The following SUN3 variants were observed in gnomAD, a reference collection of about 807,000 sequenced individuals.
SUN3 encodes SUN domain-containing protein 3.
In SUN3, 36 loss-of-function variants were observed where a neutral mutation model predicts 48.2. The ratio of observed to expected loss-of-function variants is 0.75; its 90% CI spans 0.57 to 0.99. The LOEUF is 0.99. Ranked by LOEUF, SUN3 falls within the 50% of genes least tolerant of loss-of-function variation. The probability of loss-of-function intolerance (pLI) is 0.00; values close to 1 mark genes in which losing one functional copy is unlikely to be tolerated. For synonymous variants in SUN3, 148 were observed against 147.9 expected (o/e 1.00, Z 0.00); for missense variants, 419 against 433.1 (o/e 0.97, Z 0.29).
rs1455417103 is a variant in SUN3 at position 47,994,448 on chromosome 7, G to A, written c.728C>T (p.Pro243Leu). The change falls in exon 8 of 10, where the codon CCA becomes CTA. Residue 243 changes from proline (P) to leucine (L), a missense_variant. Coordinates refer to ENST00000297325, the MANE Select transcript of SUN3 (RefSeq NM_001030019.2). ...DVYPGKCWAF[P>L]GSQGHTLIKL... ...GATTAGGGTATGACCCTGGGAACCT[G>A]GAAAAGCCCAGCACTTTCCAGGGTA... 2 of 1,609,002 alleles carry A rather than the reference G, an allele frequency of 1.2e-6. No homozygotes were observed. Among genetic ancestry groups the A allele is most frequent in the South Asian group, 1.1e-5 (1 of 89,966 alleles).
At chr7:47,991,611 C>G (rs2128769994) in intron 8 of SUN3, among the ~76,000 whole-genome samples, 1 of 151,966 alleles carries the variant, frequency 6.6e-6, no homozygotes, top group South Asian at 2.1e-4. Flanking sequence ...CAAAACAAAA[C>G]AAAACAAAAC....
intron 8 of SUN3, among the ~76,000 whole-genome samples, chr7:47,993,723 G>A (rs1789129173): frequency 6.6e-6 from 1 of 152,150 alleles, no homozygotes; most frequent in Non-Finnish European, 1.5e-5. Context: ...TAAGAAAAAT[G>A]TTCTAAAATT....
chr7:48,000,111 T>C (rs1789319361), intron 6 of SUN3: 1 of 152,248 alleles, frequency 6.6e-6, no homozygotes, highest in Admixed American at 6.5e-5. Context: ...TTAAAGTACT[T>C]AAAGAAAGAA....
chr7:47,994,391 A>G lies in SUN3; in HGVS notation c.785T>C (p.Val262Ala). 6.2e-7 allele frequency: 1 copy of G among 1,613,248 alleles called. No homozygotes were observed. Among genetic ancestry groups the G allele is most frequent in the Non-Finnish European group, 8.5e-7 (1 of 1,179,658 alleles). Residue 262 changes from valine (V) to alanine (A), a missense_variant, in exon 8 of 10, where the codon GTT becomes GCT. Coordinates refer to ENST00000297325, the MANE Select transcript of SUN3 (RefSeq NM_001030019.2). ...KLATKIIPTAVTMEHISEKVS... is the reference protein window; with the variant it reads ...KLATKIIPTAATMEHISEKVS... Reference sequence around the variant, plus strand: ...CTTCTCTGAGATGTGCTCCATGGTAACAGCAGTTGGTATGATCTTTGTAGC... The same window carrying G: ...CTTCTCTGAGATGTGCTCCATGGTAGCAGCAGTTGGTATGATCTTTGTAGC...
In SUN3 at chr7:47,995,419, A is replaced by G. The variant is rs576907124; in HGVS notation, c.693+612T>C. ...GTAGAGAAGAAAAATGAGGTCTACT[A>G]CTTTGTAGATATAAACTACAGCCTG... On this transcript the variant is annotated intron_variant, in intron 7 of 9. Transcript: ENST00000297325. Among the ~76,000 whole-genome samples, 9 of 152,264 alleles carry G rather than the reference A, an allele frequency of 5.9e-5. No homozygotes were observed. The East Asian group carries it at 1.5e-3, about 26-fold the overall frequency.
At position 48,005,977 on chromosome 7, in the gene SUN3, T is replaced by G. The variant is rs1439670525; in HGVS notation, c.569A>C (p.Lys190Thr). Residue 190 changes from lysine to threonine, a missense_variant, in exon 6 of 10, where the codon AAG becomes ACG. By Grantham distance (78) the Lys-to-Thr change is moderately conservative (BLOSUM62 -1). Coordinates refer to ENST00000297325, the MANE Select transcript of SUN3 (RefSeq NM_001030019.2). ...ACTTTTTCTGTACTCACCGGCCGAC[T>G]TCAGGGCATAATCAGCCATCTCGAC... is the stretch of plus-strand genomic sequence containing the variant. ...DQVEMADYAL[K>T]SAGASIIEAG... 3 of 1,612,006 alleles carry G rather than the reference T, an allele frequency of 1.9e-6. No individual in the cohort carries two copies. The highest frequency in any genetic ancestry group is 1.7e-5 in the Admixed American group (1 of 59,714).
chr7:48,007,826 T>G (rs1475392330), intron 4 of SUN3, among the ~76,000 whole-genome samples: 2 of 139,730 alleles, frequency 1.4e-5, no homozygotes, highest in African/African-American at 5.3e-5. Context: ...CCCAAGAATG[T>G]TTTTTTTTTT....
At chr7:48,000,783 T>C (rs7791084) in intron 6 of SUN3, among the ~76,000 whole-genome samples, 64,831 of 151,440 alleles carry the variant, frequency 0.43, 14,076 homozygotes, top group Middle Eastern at 0.55. Context: ...TTTTGAGCAA[T>C]TTAACTATGA....
chr7:47,991,956 C>T (rs534320939), intron 8 of SUN3, among the ~76,000 whole-genome samples: 2 of 152,296 alleles, frequency 1.3e-5, no homozygotes, highest in African/African-American at 4.8e-5. Flanking sequence ...GGCGCCGCCC[C>T]AGAACCGCCC....
chr7:48,018,720 G>A (rs544031354), intron 2 of SUN3: 1 of 152,648 alleles, frequency 6.6e-6, no homozygotes, highest in Non-Finnish European at 1.5e-5. Context: ...AGGGAAATCT[G>A]AATTCTAGAG....
intron 8 of SUN3, among the ~76,000 whole-genome samples, chr7:47,990,489 C>CCGGA (rs1482232863): frequency 6.6e-6 from 1 of 152,034 alleles, no homozygotes; most frequent in Non-Finnish European, 1.5e-5. Flanking sequence ...GAGACTGGTG[C>CCGGA]CGGCGCGGGT....
intron 2 of SUN3, among the ~76,000 whole-genome samples, chr7:48,025,507 G>A (rs1452395167): frequency 6.6e-6 from 1 of 152,176 alleles, no homozygotes; most frequent in Non-Finnish European, 1.5e-5. Context: ...TGTGTGATGA[G>A]CAAGAGTCTC....
intron 8 of SUN3, among the ~76,000 whole-genome samples, chr7:47,989,145 CATAG>C (rs1427927693): frequency 6.6e-5 from 10 of 152,154 alleles, no homozygotes; most frequent in East Asian, 1.9e-4. Flanking sequence ...TAGATAGATC[CATAG>C]ATAGATAGTT....
rs145940438 is a variant in SUN3, at chr7:48,005,641, T to C, written c.577+328A>G. Among the ~76,000 whole-genome samples the C allele has an allele frequency of 7.7e-3, 1,174 of 152,240 alleles. 10 individuals are homozygous for C. Among genetic ancestry groups the C allele is most frequent in the Middle Eastern group, 0.014 (4 of 294 alleles). ...CCTAATAATGCATTTAGATTGGTGA[T>C]CATAAGTAATTTTAGTATATAATAA... On this transcript the variant is annotated intron_variant, in intron 6 of 9. Transcript: ENST00000297325.
In SUN3 at chr7:48,007,189, A is replaced by G. The variant is rs776906820; in HGVS notation, c.468T>C (p.Pro156=). ...CCTCTGTGTGGTCCGGGTCCTCCAC[A>G]GGGTCTCCATGGGTGTTCCAGTTGT... ...NNHNWNTHGD[P]VEDPDHTEEV... The change falls in exon 5 of 10, where the codon CCT becomes CCC. Residue 156 remains proline (P), a synonymous_variant. Transcript: ENST00000297325. 3 of 1,611,558 alleles carry G rather than the reference A, an allele frequency of 1.9e-6. No homozygotes were observed. The South Asian group carries it at 3.3e-5, about 18-fold the overall frequency.
At chr7:48,035,659 G>C in the SUN3 span, 2 of 648,586 alleles carry the variant, frequency 3.1e-6, no homozygotes, top group Non-Finnish European at 2.8e-6. This position sits in a 1 kb window ranked among gnomAD's most constrained non-coding sequence, Gnocchi z 4.0. Context: ...GAGGACAATG[G>C]GGGCGCCCAC....
chr7:48,024,240 T>A (rs1423675598), intron 2 of SUN3, among the ~76,000 whole-genome samples: 4 of 152,134 alleles, frequency 2.6e-5, no homozygotes, highest in Non-Finnish European at 5.9e-5. Flanking sequence ...CAACCTAGAA[T>A]GAAAGAAATG....
At chr7:48,012,135 C>T (rs1789700110) in intron 3 of SUN3, among the ~76,000 whole-genome samples, 1 of 152,224 alleles carries the variant, frequency 6.6e-6, no homozygotes, top group African/African-American at 2.4e-5. Context: ...GGCTGTTGGC[C>T]TCATGACAAA....
intron 2 of SUN3, 60 bp from the exon 3 acceptor site, chr7:48,017,425 C>A: frequency 1.1e-6 from 1 of 911,840 alleles, no homozygotes. Flanking sequence ...AAATATTTTA[C>A]ATGTATTCAT....
Sources: gnomAD v4.1 joint callset for allele counts (sites outside exome capture counted in the v4.1 genomes callset) on GRCh38, gnomAD v4.1.1 for gene constraint, Gnocchi (gnomAD v3.1) non-coding constraint, MANE v1.5 for transcripts, NCBI Gene and HGNC (gene_info 2026-07-23, HGNC 2026-07-21) for gene names.